Variants in S100PBP observed in about 807,000 individuals in gnomAD.
S100PBP encodes S100P-binding protein.
S100PBP carries 15 observed loss-of-function variants against 39.9 expected under a neutral mutation model. The ratio of observed to expected loss-of-function variants is 0.38; its 90% CI spans 0.25 to 0.58. The LOEUF (loss-of-function observed/expected upper bound fraction) is 0.58, where lower values mean the gene tolerates loss of function less well. S100PBP is among the 20% of genes least tolerant of loss of function. S100PBP has a pLI of 0.70. For synonymous variants in S100PBP, 178 were observed against 180.3 expected (o/e 0.99, Z 0.10); for missense variants, 504 against 487.3 (o/e 1.03, Z -0.32).
chr1:32,840,289 T>A (rs1162529566), intron 5 of S100PBP, among the ~76,000 whole-genome samples: 2 of 151,766 alleles, frequency 1.3e-5, no homozygotes, highest in South Asian at 4.2e-4. Flanking sequence ...CTCGGCCTAA[T>A]TTTTTGTATT....
intron 6 of S100PBP, among the ~76,000 whole-genome samples, chr1:32,854,431 G>A (rs771271993): frequency 2.0e-5 from 3 of 152,072 alleles, no homozygotes; most frequent in Non-Finnish European, 4.4e-5. Context: ...ATACATGTTC[G>A]ATACAGATGG....
chr1:32,832,422 A>G (rs116571512), intron 5 of S100PBP, among the ~76,000 whole-genome samples: 28 of 152,260 alleles, frequency 1.8e-4, no homozygotes, highest in African/African-American at 6.7e-4. Flanking sequence ...ATATTTGACA[A>G]TTTCCATAAT....
At chr1:32,845,240 A>G (rs909851178) in intron 5 of S100PBP, among the ~76,000 whole-genome samples, 3 of 152,002 alleles carry the variant, frequency 2.0e-5, no homozygotes, top group African/African-American at 7.2e-5. Flanking sequence ...TAGCTGTGTT[A>G]GCCAGGATGG....
At chr1:32,839,101 A>G (rs1639974901) in intron 5 of S100PBP, among the ~76,000 whole-genome samples, 1 of 152,092 alleles carries the variant, frequency 6.6e-6, no homozygotes, top group East Asian at 1.9e-4. Flanking sequence ...CTACAAATCC[A>G]TAGCTCTATA....
chr1:32,842,201 AAAC>A (rs1371499114), intron 5 of S100PBP, among the ~76,000 whole-genome samples: 182 of 99,208 alleles, frequency 1.8e-3, no homozygotes, highest in African/African-American at 3.5e-3. Flanking sequence ...AAAAAAAAAA[AAAC>A]ATATATATAT....
intron 5 of S100PBP, among the ~76,000 whole-genome samples, chr1:32,841,838 A>G (rs1016773946): frequency 6.6e-6 from 1 of 150,846 alleles, no homozygotes. Context: ...GTTTTTTTCT[A>G]GAGGTTTTAT....
intron 5 of S100PBP, among the ~76,000 whole-genome samples, chr1:32,832,067 CTA>C (rs1639624266): frequency 1.3e-5 from 2 of 152,154 alleles, no homozygotes; most frequent in African/African-American, 4.8e-5. Flanking sequence ...AAAGTCTAGT[CTA>C]GAGTTAACAT....
At chr1:32,837,412 G>C (rs1307983117) in intron 5 of S100PBP, among the ~76,000 whole-genome samples, 2 of 144,454 alleles carry the variant, frequency 1.4e-5, no homozygotes, top group Non-Finnish European at 3.1e-5. Flanking sequence ...CAGCCTCCTA[G>C]CTGGGATTAT....
chr1:32,830,063 C>T lies in S100PBP; in HGVS notation c.1020C>T (p.Asn340=). 1 of 1,589,976 alleles carries T rather than the reference C, an allele frequency of 6.3e-7. No homozygotes were observed. The highest frequency in any genetic ancestry group is 8.6e-7 in the Non-Finnish European group (1 of 1,158,438). The stretch of plus-strand genomic sequence containing the variant: ...ATATAGAAGACCCAGAGGACACTAA[C>T]CAAGGTAACATGGTACCCAGAGAAA... The part of the protein sequence containing the change: ...IAHIEDPEDT[N]QGISGELCAL... The change falls in exon 5 of 7, where the codon AAC becomes AAT. Residue 340 remains asparagine, a synonymous_variant. Transcript: ENST00000373475.
At chr1:32,823,203 T>TG (rs1639165134) in intron 1 of S100PBP, among the ~76,000 whole-genome samples, 1 of 152,202 alleles carries the variant, frequency 6.6e-6, no homozygotes, top group African/African-American at 2.4e-5. Context: ...GGAGTTAGAA[T>TG]GGGGGGCAAT....
At position 32,857,542 on chromosome 1, in the gene S100PBP, C is replaced by T. The variant is rs1170342410; in HGVS notation, c.*1504C>T. On this transcript the variant is annotated 3_prime_UTR_variant, in exon 7 of 7. Transcript: ENST00000373475. ...GTCAGGCTGGTCTTGAACTCCTGAC[C>T]TCAGGTGATCTGCCCACCTCGGCCT... The T allele has an allele frequency of 6.6e-6, 1 of 152,210 alleles. No individual in the cohort carries two copies. Among genetic ancestry groups the T allele is most frequent in the Non-Finnish European group, 1.5e-5 (1 of 68,106 alleles). The allele number at this position is 152,210 out of a possible 1,614,324, so 9.4% of individuals were successfully genotyped here.
chr1:32,838,199 C>T (rs1639920385), intron 5 of S100PBP, among the ~76,000 whole-genome samples: 1 of 151,558 alleles, frequency 6.6e-6, no homozygotes, highest in African/African-American at 2.4e-5. Flanking sequence ...AAATTAGCTG[C>T]GCGTGGCTCC....
At chr1:32,847,625 A>G (rs1026508224) in intron 5 of S100PBP, 11 of 152,196 alleles carry the variant, frequency 7.2e-5, no homozygotes, top group African/African-American at 2.7e-4. Context: ...TCATAAGTGA[A>G]TTACATAATA....
chr1:32,831,747 C>T (rs934315051), intron 5 of S100PBP, among the ~76,000 whole-genome samples: 1 of 152,016 alleles, frequency 6.6e-6, no homozygotes, highest in Admixed American at 6.6e-5. Flanking sequence ...TAAAAGAAAC[C>T]TGTCTATATT....
intron 5 of S100PBP, among the ~76,000 whole-genome samples, chr1:32,841,376 TA>T (rs1466919836): frequency 6.6e-6 from 1 of 152,066 alleles, no homozygotes; most frequent in African/African-American, 2.4e-5. Flanking sequence ...TTTATTTATT[TA>T]TTTATTTTTC....
At chr1:32,854,221 A>C (rs1640736689) in intron 6 of S100PBP, among the ~76,000 whole-genome samples, 1 of 152,144 alleles carries the variant, frequency 6.6e-6, no homozygotes, top group Non-Finnish European at 1.5e-5. Context: ...GATTAGTTCC[A>C]GGACCCTCTC....
chr1:32,852,852 A>G (rs1212667044), intron 5 of S100PBP: 2 of 489,204 alleles, frequency 4.1e-6, no homozygotes, highest in African/African-American at 4.0e-5. Flanking sequence ...TGTAGGAGCT[A>G]AGTGTTGAAT....
At chr1:32,836,057 C>G (rs966897205) in intron 5 of S100PBP, 4 of 151,676 alleles carry the variant, frequency 2.6e-5, no homozygotes, top group African/African-American at 9.7e-5. Context: ...ATAGCAGTTG[C>G]ACCATTTTGC....
chr1:32,835,674 C>T (rs1639784787), intron 5 of S100PBP: 1 of 151,952 alleles, frequency 6.6e-6, no homozygotes, highest in South Asian at 2.1e-4. Context: ...TTGTGACTGG[C>T]TTATTTCGTT....
Sources: gnomAD v4.1 joint callset for allele counts (sites outside exome capture counted in the v4.1 genomes callset) on GRCh38, gnomAD v4.1.1 for gene constraint, MANE v1.5 for transcripts, NCBI Gene and HGNC (gene_info 2026-07-23, HGNC 2026-07-21) for gene names.